GRM8: variants seen among roughly 807,000 people sequenced by gnomAD.
GRM8 encodes glutamate metabotropic receptor 8.
In GRM8, 47 loss-of-function variants were observed where a neutral mutation model predicts 87.2. The ratio of observed to expected loss-of-function variants is 0.54; its 90% CI spans 0.43 to 0.69. GRM8 has a LOEUF of 0.69. GRM8 is among the 30% of genes least tolerant of loss of function. The probability of loss-of-function intolerance (pLI) is 0.00; values close to 1 mark genes in which losing one functional copy is unlikely to be tolerated. For synonymous variants in GRM8, 396 were observed against 404.5 expected, an observed-to-expected ratio of 0.98 and a Z score of 0.25; for missense variants, 1,019 against 1,139.2, an observed-to-expected ratio of 0.89 and a Z score of 1.52.
At chr7:126,863,898 A>G (rs1198333254) in intron 6 of GRM8, among the ~76,000 whole-genome samples, 1 of 151,654 alleles carries the variant, frequency 6.6e-6, no homozygotes, top group Non-Finnish European at 1.5e-5. Flanking sequence ...ATTTTGTCTG[A>G]TATTAATTTA....
intron 3 of GRM8, among the ~76,000 whole-genome samples, chr7:127,085,592 G>C (rs1489236242): frequency 6.6e-6 from 1 of 152,166 alleles, no homozygotes; most frequent in East Asian, 1.9e-4. Context: ...ATGTCTGTTG[G>C]CTGCATAAAT....
chr7:127,014,302 T>A (rs1419440), intron 3 of GRM8, among the ~76,000 whole-genome samples: 16,153 of 152,168 alleles, frequency 0.11, 1,091 homozygotes, highest in East Asian at 0.24. Context: ...TGACCAAGAC[T>A]TTAACTTATC....
At chr7:126,515,614 C>G (rs59067005) in intron 9 of GRM8, among the ~76,000 whole-genome samples, 1 of 152,048 alleles carries the variant, frequency 6.6e-6, no homozygotes, top group Non-Finnish European at 1.5e-5. Flanking sequence ...TTTTGGAGGC[C>G]TTAGAGCGGA....
intron 3 of GRM8, among the ~76,000 whole-genome samples, chr7:126,914,479 C>T (rs1204868523): frequency 3.3e-5 from 5 of 152,138 alleles, no homozygotes; most frequent in African/African-American, 7.2e-5. Flanking sequence ...TATATGTTCC[C>T]CACAGCACTA....
chr7:126,904,817 T>C (rs1802514621), intron 3 of GRM8, 134 bp from the exon 4 acceptor site: 5 of 745,458 alleles, frequency 6.7e-6, no homozygotes, highest in Non-Finnish European at 1.1e-5. Flanking sequence ...TCTCACCTAT[T>C]AAGAGCAATT....
chr7:127,129,869 CAGTAAT>C (rs1373664410), intron 2 of GRM8, among the ~76,000 whole-genome samples: 3 of 152,138 alleles, frequency 2.0e-5, no homozygotes, highest in African/African-American at 7.2e-5. Context: ...AGTCATTTCT[CAGTAAT>C]AGAATTTGTG....
At chr7:126,623,802 G>A (rs1800412267) in intron 7 of GRM8, among the ~76,000 whole-genome samples, 1 of 152,202 alleles carries the variant, frequency 6.6e-6, no homozygotes. Context: ...TCTAGGCCAG[G>A]CATGGTGGCA....
At chr7:126,542,948 G>C (rs555754694) in intron 8 of GRM8, among the ~76,000 whole-genome samples, 2 of 152,198 alleles carry the variant, frequency 1.3e-5, no homozygotes, top group African/African-American at 2.4e-5. Context: ...AAAGACAACA[G>C]AGATCATGGT....
intron 7 of GRM8, among the ~76,000 whole-genome samples, chr7:126,699,227 A>G (rs1809680924): frequency 6.6e-6 from 1 of 152,188 alleles, no homozygotes; most frequent in Non-Finnish European, 1.5e-5. Context: ...TGATAGACGG[A>G]ATGAGGTTAG....
At chr7:127,052,324 C>G (rs1299386602) in intron 3 of GRM8, among the ~76,000 whole-genome samples, 1 of 152,168 alleles carries the variant, frequency 6.6e-6, no homozygotes, top group Non-Finnish European at 1.5e-5. Context: ...AGCCCCTTCT[C>G]TTTATCCCCT....
At chr7:126,725,367 A>AG (rs1470664169) in intron 7 of GRM8, among the ~76,000 whole-genome samples, 4 of 152,156 alleles carry the variant, frequency 2.6e-5, no homozygotes, top group Middle Eastern at 6.3e-3. Flanking sequence ...TAGAAGCAGG[A>AG]GGCCCTATCT....
At chr7:127,222,260 T>A (rs1011701031) in intron 2 of GRM8, among the ~76,000 whole-genome samples, 2 of 152,096 alleles carry the variant, frequency 1.3e-5, no homozygotes, top group Non-Finnish European at 2.9e-5. Flanking sequence ...ATATAAAAAG[T>A]AGCTGGGCGT....
chr7:127,149,504 G>A (rs1192819227), intron 2 of GRM8, among the ~76,000 whole-genome samples: 1 of 152,026 alleles, frequency 6.6e-6, no homozygotes, highest in Non-Finnish European at 1.5e-5. Context: ...AGAATATGGA[G>A]GTTTCTAAAG....
At chr7:126,499,919 TTTG>T (rs1809388973) in intron 9 of GRM8, among the ~76,000 whole-genome samples, 1 of 5,544 alleles carries the variant, frequency 1.8e-4, no homozygotes, top group Non-Finnish European at 3.1e-4. Context: ...ATACAATTAC[TTTG>T]TTAATTAAAA....
chr7:127,170,885 A>G (rs1291498549), intron 2 of GRM8, among the ~76,000 whole-genome samples: 1 of 152,216 alleles, frequency 6.6e-6, no homozygotes, highest in Admixed American at 6.5e-5. Context: ...CCCACTGGGT[A>G]CAGTGTACAC....
At chr7:127,165,159 T>G (rs1306745353) in intron 2 of GRM8, among the ~76,000 whole-genome samples, 7 of 56,142 alleles carry the variant, frequency 1.2e-4, no homozygotes, top group Admixed American at 7.4e-4. Context: ...TATATATATA[T>G]ATATATATAT....
At chr7:126,463,323 C>T (rs1382435845) in intron 9 of GRM8, among the ~76,000 whole-genome samples, 1 of 151,392 alleles carries the variant, frequency 6.6e-6, no homozygotes, top group Non-Finnish European at 1.5e-5. Flanking sequence ...AATTATTTTC[C>T]TACAAGTGGT....
intron 3 of GRM8, among the ~76,000 whole-genome samples, chr7:127,000,244 T>C (rs1189054369): frequency 1.3e-5 from 2 of 151,598 alleles, no homozygotes; most frequent in Non-Finnish European, 3.0e-5. Flanking sequence ...AAACTGGGAA[T>C]GGTAGTGGGG....
intron 7 of GRM8, among the ~76,000 whole-genome samples, chr7:126,723,587 G>A (rs1024331956): frequency 6.6e-6 from 1 of 151,996 alleles, no homozygotes; most frequent in Non-Finnish European, 1.5e-5. Context: ...TTAGGCAACA[G>A]GACACCCACT....
Sources: allele counts gnomAD v4.1 joint callset (sites outside exome capture counted in the v4.1 genomes callset), GRCh38; gene constraint gnomAD v4.1.1; transcripts MANE v1.5; gene names NCBI Gene and HGNC (gene_info 2026-07-23, HGNC 2026-07-21).